The following OLFM3 variants were observed in gnomAD, a reference collection of about 807,000 sequenced individuals.
OLFM3 encodes the protein noelin-3.
Under a neutral mutation model 48.6 loss-of-function variants are expected in OLFM3, and 20 were observed. The ratio of observed to expected loss-of-function variants is 0.41; its 90% CI spans 0.29 to 0.60. The LOEUF is 0.60. OLFM3 is among the 20% of genes least tolerant of loss of function. OLFM3 has a pLI of 0.28. For missense variants in OLFM3, 437 were observed against 544.3 expected (o/e 0.80, Z 1.96); for synonymous variants, 222 against 198.1 (o/e 1.12, Z -1.01).
chr1:101,905,086 T>C (rs922451699), intron 1 of OLFM3, among the ~76,000 whole-genome samples: 1 of 152,196 alleles, frequency 6.6e-6, no homozygotes, highest in African/African-American at 2.4e-5. Flanking sequence ...GATAGATGTG[T>C]ACTCATCAGA....
chr1:101,952,979 TGTAA>T (rs989055680), intron 1 of OLFM3, among the ~76,000 whole-genome samples: 2 of 152,134 alleles, frequency 1.3e-5, no homozygotes, highest in African/African-American at 4.8e-5. Flanking sequence ...TGTGGGGTGC[TGTAA>T]GTTTTATTCT....
chr1:101,862,993 G>C (rs1446160589), intron 1 of OLFM3, among the ~76,000 whole-genome samples: 1 of 142,472 alleles, frequency 7.0e-6, no homozygotes, highest in Non-Finnish European at 1.5e-5. Flanking sequence ...TATGTAATTA[G>C]TTTTTTTTTT....
intron 1 of OLFM3, among the ~76,000 whole-genome samples, chr1:101,866,690 T>C (rs1032258997): frequency 1.3e-5 from 2 of 152,200 alleles, no homozygotes; most frequent in South Asian, 2.1e-4. Flanking sequence ...TTTTTACATA[T>C]GCATTCTACA....
Position 101,855,833 on chromosome 1 carries a change from G to C in OLFM3, c.70-18808C>G, listed in dbSNP as rs575025030. Among the ~76,000 whole-genome samples the C allele has an allele frequency of 1.2e-3, 179 of 152,176 alleles. 2 individuals carry two copies. Among genetic ancestry groups the C allele is most frequent in the African/African-American group, 4.1e-3 (172 of 41,548 alleles). On this transcript the variant is annotated intron_variant, in intron 1 of 5. Transcript: ENST00000370103. Reference sequence around the variant, plus strand: ...GAAAGATAAATTTTAAGGAGATTGGGAAATTGCCTGGTGATCAGAAAGGAG... The same window carrying C: ...GAAAGATAAATTTTAAGGAGATTGGCAAATTGCCTGGTGATCAGAAAGGAG...
At chr1:101,857,936 T>C (rs1011383101) in intron 1 of OLFM3, among the ~76,000 whole-genome samples, 23 of 152,066 alleles carry the variant, frequency 1.5e-4, no homozygotes, top group African/African-American at 5.3e-4. Flanking sequence ...TTCAACACTG[T>C]TTTAAAACAA....
intron 1 of OLFM3, among the ~76,000 whole-genome samples, chr1:101,988,884 G>T (rs12049406): frequency 0.22 from 33,322 of 151,944 alleles, 4,118 homozygotes; most frequent in East Asian, 0.51. Context: ...ATTTCAAAAA[G>T]AAAAGAGTGA....
rs77076241 is a variant in OLFM3 at position 101,932,320 on chromosome 1, G to T, written c.69+64428C>A. On this transcript the variant is annotated intron_variant, in intron 1 of 5. Transcript: ENST00000370103. Reference sequence around the variant, plus strand: ...TAAAAGTGGATTTAGACTGAGAAAAGTATTACATAAAATGAATGACTGGAT... The same window carrying T: ...TAAAAGTGGATTTAGACTGAGAAAATTATTACATAAAATGAATGACTGGAT... 9.2e-3 allele frequency among the ~76,000 whole-genome samples: 1,399 copies of T among 152,228 alleles called. 22 individuals carry two copies. The highest frequency in any genetic ancestry group is 0.032 in the African/African-American group (1,333 of 41,528).
intron 1 of OLFM3, among the ~76,000 whole-genome samples, chr1:101,892,345 G>T (rs923069811): frequency 6.6e-6 from 1 of 151,962 alleles, no homozygotes; most frequent in Non-Finnish European, 1.5e-5. Context: ...CCAGCAGACA[G>T]CCAGTCAAAT....
intron 1 of OLFM3, among the ~76,000 whole-genome samples, chr1:101,975,793 A>T (rs954776393): frequency 6.6e-6 from 1 of 152,144 alleles, no homozygotes; most frequent in African/African-American, 2.4e-5. Flanking sequence ...AGAGGCTACT[A>T]TCTTGAGGAA....
At chr1:101,816,004 G>GA (rs1454060436) in intron 4 of OLFM3, among the ~76,000 whole-genome samples, 1 of 152,108 alleles carries the variant, frequency 6.6e-6, no homozygotes, top group Admixed American at 6.6e-5. Flanking sequence ...AAGTTGGATA[G>GA]AAAAAATAAC....
At chr1:101,911,660 T>C (rs895197202) in intron 1 of OLFM3, among the ~76,000 whole-genome samples, 1 of 152,158 alleles carries the variant, frequency 6.6e-6, no homozygotes. Context: ...ACACATACAG[T>C]TAATGTTTTA....
chr1:101,824,481 A>G (rs1363114920), intron 4 of OLFM3, among the ~76,000 whole-genome samples: 5 of 152,136 alleles, frequency 3.3e-5, no homozygotes, highest in Non-Finnish European at 7.3e-5. Flanking sequence ...GTGAGTACCT[A>G]TTTAAGTAGC....
intron 1 of OLFM3, among the ~76,000 whole-genome samples, chr1:101,953,837 T>A (rs934609392): frequency 6.6e-6 from 1 of 152,048 alleles, no homozygotes; most frequent in Non-Finnish European, 1.5e-5. Flanking sequence ...GCTGTATTAG[T>A]CCCTGGGTAA....
At chr1:101,993,677 A>G (rs1433485413) in intron 1 of OLFM3, among the ~76,000 whole-genome samples, 1 of 152,140 alleles carries the variant, frequency 6.6e-6, no homozygotes, top group African/African-American at 2.4e-5. Flanking sequence ...AGAAAAATTG[A>G]TCATCTGTCC....
chr1:101,905,979 G>T (rs1242576346), intron 1 of OLFM3, among the ~76,000 whole-genome samples: 4 of 152,090 alleles, frequency 2.6e-5, no homozygotes, highest in African/African-American at 7.2e-5. Context: ...AATCAGTGAA[G>T]ATGAGGGAAA....
At chr1:101,868,126 T>C (rs1656928719) in intron 1 of OLFM3, among the ~76,000 whole-genome samples, 1 of 152,134 alleles carries the variant, frequency 6.6e-6, no homozygotes, top group Admixed American at 6.5e-5. Context: ...GGGTATGTCT[T>C]ATAGCAGTGT....
chr1:101,938,111 CTTA>C (rs1314234731), intron 1 of OLFM3, among the ~76,000 whole-genome samples: 2 of 152,188 alleles, frequency 1.3e-5, no homozygotes, highest in African/African-American at 4.8e-5. Flanking sequence ...TTCATTGTAA[CTTA>C]TTAACAAATT....
intron 1 of OLFM3, among the ~76,000 whole-genome samples, chr1:101,859,087 G>A (rs1017396585): frequency 1.3e-5 from 2 of 152,010 alleles, no homozygotes; most frequent in African/African-American, 4.8e-5. Flanking sequence ...GGAGATCTGA[G>A]TAGCTTGCAG....
chr1:101,898,712 C>A (rs764644485), intron 1 of OLFM3, among the ~76,000 whole-genome samples: 1 of 151,824 alleles, frequency 6.6e-6, no homozygotes, highest in Non-Finnish European at 1.5e-5. Flanking sequence ...AGTCAGGCAT[C>A]GTGACATGTG....
Sources: gnomAD v4.1 joint callset for allele counts (sites outside exome capture counted in the v4.1 genomes callset) on GRCh38, gnomAD v4.1.1 for gene constraint, MANE v1.5 for transcripts, NCBI Gene and HGNC (gene_info 2026-07-23, HGNC 2026-07-21) for gene names.